ST8SIA1: variants seen among roughly 807,000 people sequenced by gnomAD.
ST8SIA1 encodes ST8 alpha-N-acetyl-neuraminide alpha-2,8-sialyltransferase 1, also known as alpha-N-acetylneuraminide alpha-2,8-sialyltransferase.
A neutral mutation model predicts 35.9 loss-of-function variants in ST8SIA1; 16 were observed. That is an observed-to-expected ratio of 0.45 (90% CI 0.30 to 0.68). ST8SIA1 has a LOEUF of 0.68. ST8SIA1 is among the 30% of genes least tolerant of loss of function. The pLI, the probability that ST8SIA1 is intolerant of heterozygous loss-of-function variation, is 0.09. For synonymous variants in ST8SIA1, 170 were observed against 169.6 expected (o/e 1.00, Z -0.02); for missense variants, 383 against 453.6 (o/e 0.84, Z 1.41).
At chr12:22,225,898 T>C (rs1170095341) in intron 4 of ST8SIA1, among the ~76,000 whole-genome samples, 1 of 152,152 alleles carries the variant, frequency 6.6e-6, no homozygotes, top group Non-Finnish European at 1.5e-5. Context: ...GCAGCTTGAA[T>C]TGGCCGTGGG....
chr12:22,334,142 C>T lies in ST8SIA1; in HGVS notation c.91G>A (p.Gly31Arg). The part of the protein sequence containing the change: ...WKFPRTRLPM[G>R]ASALCVVVLC... ...ACCACGACACAGAGGGCACTGGCTC[C>T]CATGGGCAGCCGGGTCCGCGGGAAC... is the stretch of plus-strand genomic sequence containing the variant. The change falls in exon 1 of 5, where the codon GGA becomes AGA. Residue 31 changes from glycine to arginine, a missense_variant. Coordinates refer to ENST00000396037, the MANE Select transcript of ST8SIA1 (RefSeq NM_003034.4). 1 of 1,614,104 alleles carries T rather than the reference C, an allele frequency of 6.2e-7. No homozygotes were observed. Among genetic ancestry groups the T allele is most frequent in the Non-Finnish European group, 8.5e-7 (1 of 1,180,002 alleles).
chr12:22,227,872 A>G (rs1865376267), intron 4 of ST8SIA1, among the ~76,000 whole-genome samples: 1 of 152,162 alleles, frequency 6.6e-6, no homozygotes, highest in African/African-American at 2.4e-5. Flanking sequence ...TGCTAAACTG[A>G]GGGAAGATCT....
chr12:22,309,948 T>C (rs1866429842), intron 1 of ST8SIA1, among the ~76,000 whole-genome samples: 3 of 152,194 alleles, frequency 2.0e-5, no homozygotes, highest in Admixed American at 1.3e-4. Context: ...TATTTATCTT[T>C]ACAAGAGTTA....
At chr12:22,317,571 C>T (rs536590110) in intron 1 of ST8SIA1, among the ~76,000 whole-genome samples, 242 of 152,284 alleles carry the variant, frequency 1.6e-3, no homozygotes, top group African/African-American at 5.5e-3. Context: ...GCAGTTTTTT[C>T]GCACAAGGGT....
rs189034102 is a variant in ST8SIA1, at chr12:22,329,484, T to C, written c.236+4513A>G. 2.8e-3 allele frequency among the ~76,000 whole-genome samples: 419 copies of C among 152,316 alleles called. 1 individual carries two copies. Among genetic ancestry groups the C allele is most frequent in the Non-Finnish European group, 4.7e-3 (317 of 68,022 alleles). ...TTTCCACATTTGTAAATTTGCAACA[T>C]AACTGTAGCATATTTTCTTGAGCAT... is the stretch of plus-strand genomic sequence containing the variant. On this transcript the variant is annotated intron_variant, in intron 1 of 4. Transcript: ENST00000396037.
At chr12:22,204,545 G>A (rs1289491706) in intron 4 of ST8SIA1, among the ~76,000 whole-genome samples, 1 of 151,990 alleles carries the variant, frequency 6.6e-6, no homozygotes, top group South Asian at 2.1e-4. Context: ...CTGGCTGATG[G>A]AACTGATCCC....
At chr12:22,333,679 A>G (rs1214764489) in intron 1 of ST8SIA1, among the ~76,000 whole-genome samples, 1 of 152,228 alleles carries the variant, frequency 6.6e-6, no homozygotes, top group African/African-American at 2.4e-5. Flanking sequence ...CAAGAGACTA[A>G]GTTATCCTGG....
chr12:22,202,139 C>A, intron 4 of ST8SIA1, 101 bp from the exon 5 acceptor site: 1 of 985,922 alleles, frequency 1.0e-6, no homozygotes, highest in Non-Finnish European at 1.5e-6. Context: ...CTCAAATCAT[C>A]TCAATGAAAC....
At chr12:22,223,381 G>T in intron 4 of ST8SIA1, 1 of 298,512 alleles carries the variant, frequency 3.3e-6, no homozygotes, top group Non-Finnish European at 5.0e-6. Context: ...GTATGGACTG[G>T]ATCACAAAAT....
At chr12:22,226,604 T>C (rs923409172) in intron 4 of ST8SIA1, among the ~76,000 whole-genome samples, 1 of 152,162 alleles carries the variant, frequency 6.6e-6, no homozygotes, top group Non-Finnish European at 1.5e-5. Flanking sequence ...CTCCTTTCCC[T>C]TTCCTTCATC....
rs554846101 is a variant in ST8SIA1 at position 22,263,654 on chromosome 12, T to TGTGTGTTTGTTGTTC, written c.382-8266_382-8265insGAACAACAAACACAC. ...TGGCAAGAAGGTTTTGTTGTTCTTG[T>TGTGTGTTTGTTGTTC]TTGTGTGTTTATTTGCCCTAGTAAT... On this transcript the variant is annotated intron_variant, in intron 2 of 4. Coordinates refer to ENST00000396037, the MANE Select transcript of ST8SIA1 (RefSeq NM_003034.4). Among the ~76,000 whole-genome samples the TGTGTGTTTGTTGTTC allele has an allele frequency of 2.0e-3, 307 of 152,320 alleles. 1 individual carries two copies. The highest frequency in any genetic ancestry group is 6.9e-3 in the African/African-American group (286 of 41,568).
In ST8SIA1 at chr12:22,334,250, A is replaced by AGGGGCG. The variant is rs1264397476; in HGVS notation, c.-24_-19dup. 2 of 1,600,048 alleles carry AGGGGCG rather than the reference A, an allele frequency of 1.2e-6. No homozygotes were observed. The highest frequency in any genetic ancestry group is 1.7e-5 in the Admixed American group (1 of 59,494). On this transcript the variant is annotated 5_prime_UTR_variant, in exon 1 of 5. Coordinates refer to ENST00000396037, the MANE Select transcript of ST8SIA1 (RefSeq NM_003034.4). ...GGGCTCATCGCAGCCCCGGCGTCCC[A>AGGGGCG]GGGGCGGGGGCCGGGGCCTCAGCAC...
intron 2 of ST8SIA1, among the ~76,000 whole-genome samples, chr12:22,270,225 G>A (rs1221536944): frequency 2.0e-5 from 3 of 152,184 alleles, no homozygotes; most frequent in African/African-American, 7.2e-5. Context: ...GACACTTTTG[G>A]CTCAGCCTCA....
At chr12:22,207,196 GC>G (rs1224625318) in intron 4 of ST8SIA1, among the ~76,000 whole-genome samples, 2 of 152,144 alleles carry the variant, frequency 1.3e-5, no homozygotes, top group African/African-American at 4.8e-5. Flanking sequence ...GCATGGAAGG[GC>G]TTTATGCACT....
chr12:22,334,706 ACCCC>A (rs532500842), exon 1 of ST8SIA1: 2,294 of 64,652 alleles, frequency 0.035, 50 homozygotes, highest in Middle Eastern at 0.079. Flanking sequence ...CCGCCAGGCA[ACCCC>A]CCCCCCCCCA....
chr12:22,334,651 C>G lies in ST8SIA1; in HGVS notation c.-419G>C, dbSNP rs1174769702. ...GGCCCGTGGCGTCCCCTTGTCCCCT[C>G]CGAGCGATGCTCCTGCGCCCTTCGC... is the stretch of plus-strand genomic sequence containing the variant. On this transcript the variant is annotated 5_prime_UTR_variant, in exon 1 of 5. Transcript: ENST00000396037. The G allele has an allele frequency of 3.4e-5, 6 of 174,920 alleles. No homozygotes were observed. Among genetic ancestry groups the G allele is most frequent in the Admixed American group, 1.2e-4 (2 of 16,880 alleles). The allele number at this position is 174,920 out of a possible 1,614,324, so 10.8% of individuals were successfully genotyped here. A position where few individuals can be genotyped will look rare whatever the true frequency, so the allele number is the denominator to read the frequency against.
intron 2 of ST8SIA1, among the ~76,000 whole-genome samples, chr12:22,260,943 C>A (rs1865784263): frequency 7.4e-6 from 1 of 135,688 alleles, no homozygotes; most frequent in South Asian, 2.6e-4. Flanking sequence ...GTGGTCCAAT[C>A]ACGGCTCACA....
chr12:22,195,215 A>G lies in ST8SIA1; in HGVS notation c.*6337T>C, dbSNP rs1864971058. 6.6e-6 allele frequency: 1 copy of G among 150,740 alleles called. No homozygotes were observed. The highest frequency in any genetic ancestry group is 1.5e-5 in the Non-Finnish European group (1 of 67,830). 9.3% of individuals were successfully genotyped at this position (150,740 alleles called of 1,614,324 possible). On this transcript the variant is annotated 3_prime_UTR_variant, in exon 5 of 5. Coordinates refer to ENST00000396037, the MANE Select transcript of ST8SIA1 (RefSeq NM_003034.4). ...AAAAAAAAAAAAAAAAAAAAAAAGAAAGAAAGAAAGAAAGGAAAAAGAAAA... is the reference window on the plus strand; with the variant it reads ...AAAAAAAAAAAAAAAAAAAAAAAGAGAGAAAGAAAGAAAGGAAAAAGAAAA...
chr12:22,251,389 T>C (rs1395205288), intron 3 of ST8SIA1, among the ~76,000 whole-genome samples: 1 of 152,238 alleles, frequency 6.6e-6, no homozygotes, highest in East Asian at 1.9e-4. Flanking sequence ...TGCAGGTATT[T>C]ATTATCTTCT....
Sources: allele counts gnomAD v4.1 joint callset (sites outside exome capture counted in the v4.1 genomes callset), GRCh38; gene constraint gnomAD v4.1.1; transcripts MANE v1.5; gene names NCBI Gene and HGNC (gene_info 2026-07-23, HGNC 2026-07-21).